The following PPP2R2D variants were observed in gnomAD, a reference collection of about 807,000 sequenced individuals.
PPP2R2D encodes the protein protein phosphatase 2 regulatory subunit Bdelta, also known as serine/threonine-protein phosphatase 2A 55 kDa regulatory subunit B delta isoform.
PPP2R2D carries 9 observed loss-of-function variants against 31.1 expected under a neutral mutation model. The ratio of observed to expected loss-of-function variants is 0.29; its 90% CI spans 0.17 to 0.51. The LOEUF is 0.51. Among genes scored for constraint, PPP2R2D ranks in the 20% least tolerant of loss-of-function variants. PPP2R2D has a pLI of 0.98. For missense variants in PPP2R2D, 391 were observed against 465.6 expected (o/e 0.84, Z 1.48); for synonymous variants, 179 against 172.6 (o/e 1.04, Z -0.29).
At chr10:131,943,751 C>T (rs886226258) in intron 5 of PPP2R2D, among the ~76,000 whole-genome samples, 6 of 152,126 alleles carry the variant, frequency 3.9e-5, no homozygotes, top group Admixed American at 6.5e-5. Context: ...ATGTCGACCT[C>T]GGTAATGGAA....
At position 131,947,510 on chromosome 10, in the gene PPP2R2D, C is replaced by T; in HGVS notation, c.821-20C>T. 1 of 1,606,838 alleles carries T rather than the reference C, an allele frequency of 6.2e-7. No individual in the cohort carries two copies. The highest frequency in any genetic ancestry group is 8.5e-7 in the Non-Finnish European group (1 of 1,175,872). On this transcript the variant is annotated intron_variant, in intron 7 of 8. Transcript: ENST00000455566. The surrounding 1 kb of genome is among the most constrained non-coding windows in gnomAD (Gnocchi z 4.3). ...CTGATTTTTAAACAGAAGCTGAAAA[C>T]ATTTTATTTTGTTTTTCAGTTTTTG...
rs58027631 is a variant in PPP2R2D, at chr10:131,957,650, C to A, written c.*1687C>A. ...TGTGGAGATGAAGGGATATGCTGAT[C>A]CCCTGTCCCACTGTGGAGATGAAGG... On this transcript the variant is annotated 3_prime_UTR_variant, in exon 9 of 9. Transcript: ENST00000455566. 0.12 allele frequency: 18,984 copies of A among 154,132 alleles called. 1,265 individuals carry two copies. Among genetic ancestry groups the A allele is most frequent in the African/African-American group, 0.14 (5,126 of 36,452 alleles). The allele number at this position is 154,132 out of a possible 1,614,324, so 9.5% of individuals were successfully genotyped here.
Position 131,956,771 on chromosome 10 carries a change from C to G in PPP2R2D, c.*808C>G, listed in dbSNP as rs2036807416. 2 of 192,068 alleles carry G rather than the reference C, an allele frequency of 1.0e-5. No individual in the cohort carries two copies. The highest frequency in any genetic ancestry group is 4.7e-5 in the African/African-American group (2 of 42,130). The allele number at this position is 192,068 out of a possible 1,614,324, so 11.9% of individuals were successfully genotyped here. ...GGAAAAGCCAGAACCGAGGCCACCTCTGAGAAAGAAAATTGCAAGGAAGAA... is the reference window on the plus strand; with the variant it reads ...GGAAAAGCCAGAACCGAGGCCACCTGTGAGAAAGAAAATTGCAAGGAAGAA... On this transcript the variant is annotated 3_prime_UTR_variant, in exon 9 of 9. Transcript: ENST00000455566.
At position 131,941,144 on chromosome 10, in the gene PPP2R2D, G is replaced by T. The variant is rs552375435; in HGVS notation, c.477+450G>T. Among the ~76,000 whole-genome samples the T allele has an allele frequency of 2.0e-5, 3 of 152,272 alleles. No individual in the cohort carries two copies. In the East Asian group the frequency reaches 5.8e-4, roughly 29 times the overall value. On this transcript the variant is annotated intron_variant, in intron 5 of 8. Transcript: ENST00000455566. ...GGGGAATTTCTTTGGGGTTGGTTTA[G>T]GCAGATGCTGATGGTTCAGAACTCT...
chr10:131,916,332 T>A (rs868947936), intron 2 of PPP2R2D, among the ~76,000 whole-genome samples: 2,515 of 147,242 alleles, frequency 0.017, 76 homozygotes, highest in African/African-American at 0.058. Flanking sequence ...AGATTGGGAT[T>A]TTTTTTTTTT....
chr10:131,945,991 G>A lies in PPP2R2D; in HGVS notation c.820+532G>A, dbSNP rs539282681. ...GCTTTTGGCACCACCGAGAAGCGGG[G>A]TCACTTCTGCCCAGAGCCTGGGTGT... On this transcript the variant is annotated intron_variant, in intron 7 of 8. Transcript: ENST00000455566. This position sits in a 1 kb window ranked among gnomAD's most constrained non-coding sequence, Gnocchi z 4.8. The A allele has an allele frequency of 3.5e-4, 54 of 152,984 alleles. No individual in the cohort carries two copies. The highest frequency in any genetic ancestry group is 6.7e-4 in the Non-Finnish European group (46 of 68,598). 9.5% of individuals were successfully genotyped at this position (152,984 alleles called of 1,614,324 possible).
rs1373731904 is a variant in PPP2R2D at position 131,947,895 on chromosome 10, C to T, written c.1082+104C>T. ...TGTCCTCCAGCGTCAGAGGAGGACGCTCATAGGGTGTTGTTTTCCAGACCT... is the reference window on the plus strand; with the variant it reads ...TGTCCTCCAGCGTCAGAGGAGGACGTTCATAGGGTGTTGTTTTCCAGACCT... On this transcript the variant is annotated intron_variant, in intron 8 of 8. Coordinates refer to ENST00000455566, the MANE Select transcript of PPP2R2D (RefSeq NM_018461.5). This position sits in a 1 kb window ranked among gnomAD's most constrained non-coding sequence, Gnocchi z 4.3. The T allele has an allele frequency of 2.1e-6, 3 of 1,412,490 alleles. No individual in the cohort carries two copies. Among genetic ancestry groups the T allele is most frequent in the South Asian group, 1.3e-5 (1 of 74,756 alleles). The allele number at this position is 1,412,490 out of a possible 1,614,324, so 87.5% of individuals were successfully genotyped here.
the PPP2R2D span, chr10:131,970,572 A>C: frequency 6.4e-7 from 1 of 1,564,198 alleles, no homozygotes; most frequent in Non-Finnish European, 8.7e-7. This position sits in a 1 kb window ranked among gnomAD's most constrained non-coding sequence, Gnocchi z 4.1. Flanking sequence ...GTTACGAATA[A>C]ATCACTGCAA....
the PPP2R2D span, chr10:131,970,202 T>A: frequency 5.7e-6 from 1 of 174,782 alleles, no homozygotes. The surrounding 1 kb of genome is among the most constrained non-coding windows in gnomAD (Gnocchi z 4.1). Flanking sequence ...CTGCATTGGT[T>A]CCTTCATTGC....
At chr10:131,908,340 T>TGG (rs2035630236) in intron 2 of PPP2R2D, among the ~76,000 whole-genome samples, 1 of 152,158 alleles carries the variant, frequency 6.6e-6, no homozygotes, top group African/African-American at 2.4e-5. Flanking sequence ...TGCTGATCCT[T>TGG]CTAAATCCAC....
rs1160391186 is a variant in PPP2R2D at position 131,932,668 on chromosome 10, ACAC to A, written c.101-1789_101-1787del. 3.0e-3 allele frequency among the ~76,000 whole-genome samples: 377 copies of A among 126,366 alleles called. 2 individuals are homozygous for A. Among genetic ancestry groups the A allele is most frequent in the African/African-American group, 0.013 (339 of 25,874 alleles). The allele number at this position is 126,366 out of a possible 152,430, so 82.9% of individuals were successfully genotyped here. On this transcript the variant is annotated intron_variant, in intron 2 of 8. Coordinates refer to ENST00000455566, the MANE Select transcript of PPP2R2D (RefSeq NM_018461.5). Reference sequence around the variant, plus strand: ...TCTCAAAAAAAAAAAAAAAAAAAAAACACACAAAAAAAACCTAACTTGGTGCCT... The same window carrying A: ...TCTCAAAAAAAAAAAAAAAAAAAAAAACAAAAAAAACCTAACTTGGTGCCT...
At chr10:131,927,858 C>T (rs1400348712) in intron 2 of PPP2R2D, among the ~76,000 whole-genome samples, 5 of 152,184 alleles carry the variant, frequency 3.3e-5, no homozygotes, top group African/African-American at 1.2e-4. Context: ...CTACTCTTGA[C>T]GGACATTTGA....
At chr10:131,961,382 C>T (rs1431047281), downstream of PPP2R2D, among the ~76,000 whole-genome samples, 1 of 152,210 alleles carries the variant, frequency 6.6e-6, no homozygotes, top group Admixed American at 6.5e-5. Flanking sequence ...AGCTCAGGCC[C>T]TGCAGAGCTG....
downstream of PPP2R2D, among the ~76,000 whole-genome samples, chr10:131,961,721 T>C (rs2036922300): frequency 6.6e-6 from 1 of 152,178 alleles, no homozygotes; most frequent in South Asian, 2.1e-4. Flanking sequence ...CCTTGTGTGC[T>C]CTGGCGCCAG....
chr10:131,954,944 T>C (rs79384057), intron 8 of PPP2R2D, among the ~76,000 whole-genome samples: 1 of 152,258 alleles, frequency 6.6e-6, no homozygotes, highest in Non-Finnish European at 1.5e-5. Context: ...GGTCAAATCA[T>C]GGCAGCGTTT....
the PPP2R2D span, chr10:131,968,802 A>T: frequency 2.5e-6 from 1 of 398,412 alleles, no homozygotes; most frequent in Non-Finnish European, 4.7e-6. Flanking sequence ...CTTACATAGA[A>T]GGATCACCAA....
intron 2 of PPP2R2D, among the ~76,000 whole-genome samples, chr10:131,906,277 G>A (rs1211989944): frequency 6.6e-6 from 1 of 152,206 alleles, no homozygotes; most frequent in Admixed American, 6.5e-5. Context: ...TAGCTTTATA[G>A]CTTGATAACA....
At chr10:131,937,082 G>A (rs1289712206) in intron 3 of PPP2R2D, among the ~76,000 whole-genome samples, 7 of 152,232 alleles carry the variant, frequency 4.6e-5, no homozygotes, top group Non-Finnish European at 1.0e-4. Context: ...GTCCACGTGT[G>A]CGTCTTAGAA....
intron 5 of PPP2R2D, among the ~76,000 whole-genome samples, chr10:131,943,335 G>T (rs1158947342): frequency 6.6e-6 from 1 of 152,202 alleles, no homozygotes; most frequent in Admixed American, 6.5e-5. Context: ...TTAACCTCAA[G>T]TGAAGTGTAA....
Sources: allele counts gnomAD v4.1 joint callset (sites outside exome capture counted in the v4.1 genomes callset), GRCh38; gene constraint gnomAD v4.1.1; non-coding constraint Gnocchi (gnomAD v3.1); transcripts MANE v1.5; gene names NCBI Gene and HGNC (gene_info 2026-07-23, HGNC 2026-07-21).